The following DPP6 variants were observed in gnomAD, a reference collection of about 807,000 sequenced individuals.
The protein encoded by DPP6 is dipeptidyl peptidase like 6, also known as A-type potassium channel modulatory protein DPP6.
A neutral mutation model predicts 122.6 loss-of-function variants in DPP6; 69 were observed. The ratio of observed to expected loss-of-function variants is 0.56; its 90% CI spans 0.46 to 0.69. The LOEUF (loss-of-function observed/expected upper bound fraction) is 0.69, where lower values mean the gene tolerates loss of function less well. Among genes scored for constraint, DPP6 ranks in the 30% least tolerant of loss-of-function variants. The pLI is 0.00. For synonymous variants in DPP6, 418 were observed against 433.1 expected (o/e 0.97, Z 0.43); for missense variants, 928 against 1,116.9 (o/e 0.83, Z 2.41).
chr7:154,284,731 T>G (rs1006534947), intron 1 of DPP6, among the ~76,000 whole-genome samples: 8 of 152,326 alleles, frequency 5.3e-5, no homozygotes, highest in Admixed American at 4.6e-4. Context: ...GGTGTGCACC[T>G]GTAACCCCAG....
chr7:154,873,629 G>T (rs998908600), intron 19 of DPP6, among the ~76,000 whole-genome samples: 1 of 152,140 alleles, frequency 6.6e-6, no homozygotes, highest in East Asian at 1.9e-4. Flanking sequence ...AACGCCCCAG[G>T]GCACAGATTC....
At chr7:154,127,674 C>CACACACACACACACACACACACAT (rs1244574560) in intron 1 of DPP6, among the ~76,000 whole-genome samples, 2 of 148,046 alleles carry the variant, frequency 1.4e-5, no homozygotes, top group Admixed American at 6.7e-5. Flanking sequence ...CACACACACA[C>CACACACACACACACACACACACAT]ACAAAACAGC....
rs916903860 is a variant in DPP6, at chr7:153,951,220, G to A, written c.51+63486G>A. 3.9e-5 allele frequency among the ~76,000 whole-genome samples: 6 copies of A among 152,190 alleles called. No homozygotes were observed. In the East Asian group the frequency reaches 7.7e-4, roughly 20 times the overall value. ...AATCAGAGCCCTGGGGCTGAGAAGC[G>A]CATTGGAGGTTAAAAAAACCCGGGG... On this transcript the variant is annotated intron_variant, in intron 1 of 25. Coordinates refer to the DPP6 transcript ENST00000404039.
chr7:154,205,692 A>G (rs1030138973), intron 1 of DPP6, among the ~76,000 whole-genome samples: 1 of 152,036 alleles, frequency 6.6e-6, no homozygotes, highest in Non-Finnish European at 1.5e-5. Flanking sequence ...CCAGGCCCGG[A>G]GCACTCCTCC....
At chr7:154,697,320 G>A (rs1488290827) in intron 7 of DPP6, among the ~76,000 whole-genome samples, 2 of 152,160 alleles carry the variant, frequency 1.3e-5, no homozygotes, top group African/African-American at 4.8e-5. Flanking sequence ...ACCTGCCCAC[G>A]AGAAGTTGCT....
At chr7:154,521,040 G>GT (rs1563797480) in intron 3 of DPP6, among the ~76,000 whole-genome samples, 1 of 152,066 alleles carries the variant, frequency 6.6e-6, no homozygotes, top group African/African-American at 2.4e-5. Context: ...TCTAAGTGAG[G>GT]TTTTTTAAAT....
chr7:154,137,853 A>G (rs1301547245), intron 1 of DPP6, among the ~76,000 whole-genome samples: 4 of 152,164 alleles, frequency 2.6e-5, no homozygotes, highest in African/African-American at 9.7e-5. Flanking sequence ...ATGGGAAATG[A>G]CTGTGGTATG....
chr7:153,947,072 C>A (rs1387600673), intron 1 of DPP6, among the ~76,000 whole-genome samples: 1 of 152,170 alleles, frequency 6.6e-6, no homozygotes, highest in Non-Finnish European at 1.5e-5. Flanking sequence ...TTCCCTTTCA[C>A]AGAAGCAGTT....
intron 1 of DPP6, among the ~76,000 whole-genome samples, chr7:153,945,244 C>T (rs1021452137): frequency 2.6e-5 from 4 of 152,164 alleles, no homozygotes; most frequent in African/African-American, 9.7e-5. Context: ...CTGCTTTCTT[C>T]TCTTTTTGTA....
intron 3 of DPP6, among the ~76,000 whole-genome samples, chr7:154,506,277 G>A (rs1465299851): frequency 6.6e-6 from 1 of 151,932 alleles, no homozygotes. Flanking sequence ...CTCTGACACA[G>A]TTGATATTGG....
rs763365958 is a variant in DPP6 at position 154,872,736 on chromosome 7, G to A, written c.1883+43G>A. Reference sequence around the variant, plus strand: ...TGTCTTTCCCTGGTGCTCGTTCTGGGGCTCCGTGACACCCATGATAAAGGA... The same window carrying A: ...TGTCTTTCCCTGGTGCTCGTTCTGGAGCTCCGTGACACCCATGATAAAGGA... On this transcript the variant is annotated intron_variant, in intron 19 of 25. Coordinates refer to ENST00000377770, the MANE Select transcript of DPP6 (RefSeq NM_130797.4). 9 of 1,566,198 alleles carry A rather than the reference G, an allele frequency of 5.7e-6. No homozygotes were observed. In the African/African-American group the frequency reaches 8.2e-5, roughly 14 times the overall value.
chr7:153,915,225 A>G (rs553386607), intron 1 of DPP6, among the ~76,000 whole-genome samples: 1 of 152,298 alleles, frequency 6.6e-6, no homozygotes, highest in Admixed American at 6.5e-5. Flanking sequence ...AGACTTGTCC[A>G]AAGTGACTCT....
chr7:153,851,134 A>C, the DPP6 span, among the ~76,000 whole-genome samples: 6 of 152,146 alleles, frequency 3.9e-5, no homozygotes, highest in Non-Finnish European at 8.8e-5. Flanking sequence ...TAAACCATAT[A>C]ACCTTAGCAA....
At chr7:153,875,488 A>G in the DPP6 span, among the ~76,000 whole-genome samples, 1 of 152,044 alleles carries the variant, frequency 6.6e-6, no homozygotes, top group Non-Finnish European at 1.5e-5. Context: ...AGAAAAAAAT[A>G]CCTATATAAA....
intron 8 of DPP6, among the ~76,000 whole-genome samples, chr7:154,759,199 C>T (rs539266718): frequency 7.9e-5 from 12 of 152,340 alleles, no homozygotes; most frequent in South Asian, 2.1e-4. Flanking sequence ...AGCAATTTCC[C>T]GCAGACTCTC....
At chr7:154,561,112 T>C (rs540708468) in intron 4 of DPP6, among the ~76,000 whole-genome samples, 3 of 152,220 alleles carry the variant, frequency 2.0e-5, no homozygotes, top group Admixed American at 6.5e-5. Context: ...GAAGCAATAA[T>C]TGGTTGAACC....
At chr7:154,469,635 G>A (rs1822089581) in intron 2 of DPP6, among the ~76,000 whole-genome samples, 1 of 152,168 alleles carries the variant, frequency 6.6e-6, no homozygotes, top group Non-Finnish European at 1.5e-5. Context: ...CTAATCTCTT[G>A]ATGGTACAGC....
the DPP6 span, among the ~76,000 whole-genome samples, chr7:153,802,387 T>G: frequency 6.6e-6 from 1 of 152,318 alleles, no homozygotes; most frequent in East Asian, 1.9e-4. Flanking sequence ...TAAGGGGCCT[T>G]CCTTGTTGAA....
chr7:154,005,953 T>A (rs1797897642), intron 1 of DPP6, among the ~76,000 whole-genome samples: 1 of 152,134 alleles, frequency 6.6e-6, no homozygotes. Context: ...AGGGACTTTT[T>A]TCCTGCTCAC....
Sources: gnomAD v4.1 joint callset for allele counts (sites outside exome capture counted in the v4.1 genomes callset) on GRCh38, gnomAD v4.1.1 for gene constraint, MANE v1.5 for transcripts, NCBI Gene and HGNC (gene_info 2026-07-23, HGNC 2026-07-21) for gene names.